GHR: variants seen among roughly 807,000 people sequenced by gnomAD.
GHR encodes growth hormone receptor, also known as GH receptor.
In GHR, 35 loss-of-function variants were observed where a neutral mutation model predicts 67.1. That is an observed-to-expected ratio of 0.52 (90% CI 0.40 to 0.69). The LOEUF (loss-of-function observed/expected upper bound fraction) is 0.69. Among genes scored for constraint, GHR ranks in the 30% least tolerant of loss-of-function variants. The pLI, the probability that GHR is intolerant of heterozygous loss-of-function variation, is 0.00. For missense variants in GHR, 792 were observed against 764.6 expected (o/e 1.04, Z -0.42); for synonymous variants, 272 against 269.1 (o/e 1.01, Z -0.10).
At chr5:42,503,160 A>C (rs1029348203) in intron 1 of GHR, among the ~76,000 whole-genome samples, 1 of 152,164 alleles carries the variant, frequency 6.6e-6, no homozygotes, top group Non-Finnish European at 1.5e-5. Flanking sequence ...TCGCTTCCTT[A>C]TGCTCAACCT....
chr5:42,667,591 C>T (rs1045457970), intron 3 of GHR, among the ~76,000 whole-genome samples: 4 of 152,042 alleles, frequency 2.6e-5, no homozygotes, highest in Admixed American at 6.6e-5. Context: ...GTTAAAGATC[C>T]CCAAGTGATT....
chr5:42,533,034 C>T (rs1392757400), intron 1 of GHR, among the ~76,000 whole-genome samples: 2 of 152,098 alleles, frequency 1.3e-5, no homozygotes, highest in East Asian at 1.9e-4. Flanking sequence ...AGTACTCATA[C>T]CAGTTTCCAC....
chr5:42,512,029 T>C (rs1332410658), intron 1 of GHR, among the ~76,000 whole-genome samples: 3 of 152,068 alleles, frequency 2.0e-5, no homozygotes, highest in African/African-American at 4.8e-5. Context: ...TGCTGAAAAA[T>C]TAATATTTGA....
chr5:42,631,366 C>T (rs940819594), intron 3 of GHR, among the ~76,000 whole-genome samples: 4 of 152,168 alleles, frequency 2.6e-5, no homozygotes, highest in Admixed American at 6.5e-5. Flanking sequence ...GTCCCAGGAA[C>T]GACTGGCTAA....
At chr5:42,467,798 A>G in intron 1 of GHR, 3 of 1,456,350 alleles carry the variant, frequency 2.1e-6, no homozygotes, top group Non-Finnish European at 9.5e-7. Flanking sequence ...CACATGCTAC[A>G]ATGTAAAAGA....
chr5:42,594,757 A>T (rs1751978210), intron 2 of GHR, among the ~76,000 whole-genome samples: 1 of 151,998 alleles, frequency 6.6e-6, no homozygotes, highest in Admixed American at 6.6e-5. Flanking sequence ...ATTATTAAAG[A>T]CTCCAAAGAG....
chr5:42,455,145 C>T (rs1744207785), intron 1 of GHR, among the ~76,000 whole-genome samples: 1 of 152,146 alleles, frequency 6.6e-6, no homozygotes, highest in Non-Finnish European at 1.5e-5. Context: ...AAATCCTTCT[C>T]TCATGATCTG....
chr5:42,538,984 G>A (rs763626639), intron 1 of GHR, among the ~76,000 whole-genome samples: 2 of 152,006 alleles, frequency 1.3e-5, no homozygotes, highest in Non-Finnish European at 2.9e-5. Context: ...ACTTTCCAGA[G>A]CGTTTTGCAT....
Position 42,576,123 on chromosome 5 carries a change from T to TAAAATAAAATAATAAAATAAAATAA in GHR, c.70+10191_70+10192insTAAAATAAAATAAAAAATAAAATAA, listed in dbSNP as rs1750713013. Among the ~76,000 whole-genome samples the TAAAATAAAATAATAAAATAAAATAA allele has an allele frequency of 8.7e-4, 74 of 84,970 alleles. 4 individuals are homozygous for TAAAATAAAATAATAAAATAAAATAA. The highest frequency in any genetic ancestry group is 3.7e-3 in the African/African-American group (73 of 19,526). 55.7% of individuals were successfully genotyped at this position (84,970 alleles called of 152,430 possible). A position where few individuals can be genotyped will look rare whatever the true frequency, so the allele number is the denominator to read the frequency against. On this transcript the variant is annotated intron_variant, in intron 2 of 9. Transcript: ENST00000230882. ...ATAAATAAAATAAAATAAAATAAAA[T>TAAAATAAAATAATAAAATAAAATAA]AAAATAAAATAAAATAAAATAGTAA...
Position 42,441,332 on chromosome 5 carries a change from A to G in GHR, c.-12+17377A>G, listed in dbSNP as rs762482855. ...TTGGATTAATAAATTTGATGTTTTG[A>G]AGGACTTTAGGGAGAATGAGTTTGT... On this transcript the variant is annotated intron_variant, in intron 1 of 9. Coordinates refer to ENST00000230882, the MANE Select transcript of GHR (RefSeq NM_000163.5). 1.2e-3 allele frequency among the ~76,000 whole-genome samples: 185 copies of G among 152,246 alleles called. 8 individuals are homozygous for G. Among genetic ancestry groups the G allele is most frequent in the Non-Finnish European group, 6.9e-4 (47 of 68,026 alleles).
chr5:42,712,948 T>C (rs867604177), intron 7 of GHR, among the ~76,000 whole-genome samples: 99 of 151,916 alleles, frequency 6.5e-4, no homozygotes, highest in African/African-American at 2.4e-3. Flanking sequence ...GAAGTTTCTG[T>C]CATGATTTAT....
At position 42,720,002 on chromosome 5, in the gene GHR, AT is replaced by A; in HGVS notation, c.*579del. The stretch of plus-strand genomic sequence containing the variant: ...TTTAGACTTCAAGCATGGCTATTTT[AT>A]ATTACACTACACACTGTGTACTGCA... On this transcript the variant is annotated 3_prime_UTR_variant, in exon 10 of 10. Coordinates refer to ENST00000230882, the MANE Select transcript of GHR (RefSeq NM_000163.5). The A allele has an allele frequency of 5.3e-6, 1 of 187,966 alleles. No homozygotes were observed. The highest frequency in any genetic ancestry group is 5.4e-5 in the Admixed American group (1 of 18,506). The allele number at this position is 187,966 out of a possible 1,614,324, so 11.6% of individuals were successfully genotyped here.
chr5:42,614,075 T>C (rs1753018647), intron 2 of GHR, among the ~76,000 whole-genome samples: 1 of 152,040 alleles, frequency 6.6e-6, no homozygotes, highest in South Asian at 2.1e-4. Flanking sequence ...AACTATAGCT[T>C]AGTAATCCCA....
intron 1 of GHR, among the ~76,000 whole-genome samples, chr5:42,450,974 C>T (rs555239278): frequency 4.6e-5 from 7 of 152,090 alleles, no homozygotes; most frequent in Non-Finnish European, 1.0e-4. Flanking sequence ...CATTTTTATT[C>T]CGCAGTTGTC....
intron 1 of GHR, among the ~76,000 whole-genome samples, chr5:42,489,820 G>A (rs1341439392): frequency 2.6e-5 from 4 of 152,088 alleles, no homozygotes; most frequent in South Asian, 2.1e-4. Flanking sequence ...TTTAAAAAAG[G>A]TAAAGTCATA....
intron 2 of GHR, among the ~76,000 whole-genome samples, chr5:42,612,146 A>T (rs1370497351): frequency 6.6e-6 from 1 of 152,152 alleles, no homozygotes; most frequent in African/African-American, 2.4e-5. Flanking sequence ...ATGAATAAAC[A>T]GTATTCCACT....
intron 8 of GHR, chr5:42,715,048 A>G: frequency 2.7e-6 from 1 of 376,032 alleles, no homozygotes; most frequent in South Asian, 2.0e-5. Flanking sequence ...AGGATTTCCA[A>G]GAAAACATAT....
At chr5:42,556,733 G>A (rs532595988) in intron 1 of GHR, among the ~76,000 whole-genome samples, 2 of 152,322 alleles carry the variant, frequency 1.3e-5, no homozygotes, top group African/African-American at 4.8e-5. Context: ...CAAGCTTAGT[G>A]AGTTGACAAA....
chr5:42,668,229 G>A (rs981162146), intron 3 of GHR, among the ~76,000 whole-genome samples: 2 of 152,102 alleles, frequency 1.3e-5, no homozygotes, highest in Non-Finnish European at 2.9e-5. Flanking sequence ...ATAGGCAAGG[G>A]GGTAGGAGAT....
Sources: gnomAD v4.1 joint callset for allele counts (sites outside exome capture counted in the v4.1 genomes callset) on GRCh38, gnomAD v4.1.1 for gene constraint, MANE v1.5 for transcripts, NCBI Gene and HGNC (gene_info 2026-07-23, HGNC 2026-07-21) for gene names.